The following TASOR2 variants were observed in gnomAD, a reference collection of about 807,000 sequenced individuals.
TASOR2 encodes protein TASOR 2.
Under a neutral mutation model 199.5 loss-of-function variants are expected in TASOR2, and 84 were observed. The observed-to-expected ratio is 0.42, with a 90% CI of 0.35 to 0.50. TASOR2 has a LOEUF of 0.50. Among genes scored for constraint, TASOR2 ranks in the 20% least tolerant of loss-of-function variants. The pLI, the probability that TASOR2 is intolerant of heterozygous loss-of-function variation, is 0.02. For missense variants in TASOR2, 2,796 were observed against 2,835.9 expected, an observed-to-expected ratio of 0.99 and a Z score of 0.32; for synonymous variants, 1,103 against 1,046.6, an observed-to-expected ratio of 1.05 and a Z score of -1.04.
Position 5,748,723 on chromosome 10 carries a change from A to G in TASOR2, c.5302A>G (p.Ser1768Gly), listed in dbSNP as rs1837568614. ...TACAGCAGACACCAAGGAAAACCTC[A>G]GTAAAGAGCCTTTGGCCTCCTTTGT... is the stretch of plus-strand genomic sequence containing the variant. The change falls in exon 15 of 21, where the codon AGT (serine) becomes GGT (glycine). Residue 1768 changes from serine to glycine, a missense_variant. Coordinates refer to ENST00000328090, the Ensembl canonical transcript of TASOR2. This position sits in a 1 kb window ranked among gnomAD's most constrained non-coding sequence, Gnocchi z 5.1. 1.2e-6 allele frequency: 2 copies of G among 1,614,246 alleles called. No homozygotes were observed. Among genetic ancestry groups the G allele is most frequent in the Non-Finnish European group, 1.7e-6 (2 of 1,180,038 alleles).
intron 1 of TASOR2, among the ~76,000 whole-genome samples, chr10:5,693,100 G>A (rs536983405): frequency 6.6e-6 from 1 of 152,320 alleles, no homozygotes; most frequent in East Asian, 1.9e-4. Context: ...GGTGTGGGGA[G>A]AGAAGCTTTG....
At chr10:5,747,109 A>G (rs1184590356) in exon 15 of TASOR2, 1 of 1,614,154 alleles carries the variant, frequency 6.2e-7, no homozygotes, top group Non-Finnish European at 8.5e-7. Context: ...AGGATGCCAC[A>G]CATCAGGTGA....
At chr10:5,716,988 C>A (rs1278972340) in intron 2 of TASOR2, among the ~76,000 whole-genome samples, 1 of 140,142 alleles carries the variant, frequency 7.1e-6, no homozygotes, top group African/African-American at 2.6e-5. Context: ...TCTGGAGAAT[C>A]TGAAAGTAAA....
intron 1 of TASOR2, among the ~76,000 whole-genome samples, chr10:5,694,394 C>T (rs1172823341): frequency 2.0e-5 from 3 of 152,180 alleles, no homozygotes; most frequent in Non-Finnish European, 2.9e-5. Context: ...TACTGTATAA[C>T]AGGCACTGTT....
intron 1 of TASOR2, among the ~76,000 whole-genome samples, chr10:5,697,330 C>T (rs1207039228): frequency 6.6e-6 from 1 of 152,064 alleles, no homozygotes; most frequent in Non-Finnish European, 1.5e-5. Flanking sequence ...GTTAGGTATC[C>T]CCAGTGGGAA....
At position 5,763,135 on chromosome 10, in the gene TASOR2, A is replaced by C. The variant is rs1358903981; in HGVS notation, c.*103A>C. 13 of 1,120,388 alleles carry C rather than the reference A, an allele frequency of 1.2e-5. No homozygotes were observed. The South Asian group carries it at 1.5e-4, about 13-fold the overall frequency. The allele number at this position is 1,120,388 out of a possible 1,614,324, so 69.4% of individuals were successfully genotyped here. A position where few individuals can be genotyped will look rare whatever the true frequency, so the allele number is the denominator to read the frequency against. On this transcript the variant is annotated 3_prime_UTR_variant, in exon 21 of 21. Transcript: ENST00000328090. ...TGAATACACATGTGAACAGTCTTAC[A>C]TTTGAAAAACCAATGTTCTACAACT...
intron 2 of TASOR2, among the ~76,000 whole-genome samples, chr10:5,715,965 C>G (rs144526708): frequency 1.1e-4 from 17 of 152,228 alleles, no homozygotes; most frequent in Non-Finnish European, 2.4e-4. Flanking sequence ...ATGTGAACAT[C>G]ACAGAGCGTA....
Position 5,690,919 on chromosome 10 carries a change from G to A in TASOR2, c.-288+5744G>A, listed in dbSNP as rs371950247. On this transcript the variant is annotated intron_variant, in intron 1 of 20. Transcript: ENST00000328090. This position sits in a 1 kb window ranked among gnomAD's most constrained non-coding sequence, Gnocchi z 4.8. ...AAATTATATGACCTTGAGGCTGGGC[G>A]CGGTGGCTCATGCCTGTAATCCCAG... Among the ~76,000 whole-genome samples, 1 of 152,116 alleles carries A rather than the reference G, an allele frequency of 6.6e-6. No individual in the cohort carries two copies. The highest frequency in any genetic ancestry group is 1.5e-5 in the Non-Finnish European group (1 of 68,028).
In TASOR2 at chr10:5,754,071, G is replaced by A. The variant is rs548795413; in HGVS notation, c.6607-2542G>A. The stretch of plus-strand genomic sequence containing the variant: ...TGTAATCCCAGCACTTTGGGAGGCC[G>A]AGGCAGGTGGATCACCTGAAGTCAG... On this transcript the variant is annotated intron_variant, in intron 15 of 20. Coordinates refer to ENST00000328090, the Ensembl canonical transcript of TASOR2. This position sits in a 1 kb window ranked among gnomAD's most constrained non-coding sequence, Gnocchi z 4.3. Among the ~76,000 whole-genome samples, 44 of 152,212 alleles carry A rather than the reference G, an allele frequency of 2.9e-4. No homozygotes were observed. The highest frequency in any genetic ancestry group is 1.2e-3 in the Admixed American group (19 of 15,290).
rs1835738699 is a variant in TASOR2 at position 5,685,743 on chromosome 10, C to G, written c.-288+568C>G. On this transcript the variant is annotated intron_variant, in intron 1 of 20. Coordinates refer to ENST00000328090, the Ensembl canonical transcript of TASOR2. This position sits in a 1 kb window ranked among gnomAD's most constrained non-coding sequence, Gnocchi z 5.4. Reference sequence around the variant, plus strand: ...CGCCAAGCAGCGTTTCGTGGGAGAACTGGGTTGATGACTGAAATTTTGAGG... The same window carrying G: ...CGCCAAGCAGCGTTTCGTGGGAGAAGTGGGTTGATGACTGAAATTTTGAGG... 6.6e-6 allele frequency among the ~76,000 whole-genome samples: 1 copy of G among 152,202 alleles called. No homozygotes were observed. The highest frequency in any genetic ancestry group is 1.5e-5 in the Non-Finnish European group (1 of 68,040).
intron 10 of TASOR2, among the ~76,000 whole-genome samples, chr10:5,727,640 A>G (rs538669123): frequency 6.6e-6 from 1 of 152,160 alleles, no homozygotes; most frequent in East Asian, 1.9e-4. Context: ...AATATGGGGG[A>G]AAAATGACTC....
At chr10:5,747,031 G>A in exon 15 of TASOR2, 1 of 1,614,082 alleles carries the variant, frequency 6.2e-7, no homozygotes, top group Non-Finnish European at 8.5e-7. Context: ...ACTGACACAG[G>A]TTGAAGTGGA....
intron 3 of TASOR2, among the ~76,000 whole-genome samples, chr10:5,718,327 T>C (rs1159090451): frequency 3.3e-5 from 5 of 151,188 alleles, no homozygotes; most frequent in Admixed American, 1.3e-4. Context: ...TTATTGTTTT[T>C]TTTTTTAGCT....
intron 12 of TASOR2, among the ~76,000 whole-genome samples, chr10:5,736,605 C>T (rs998739575): frequency 6.6e-6 from 1 of 152,100 alleles, no homozygotes; most frequent in African/African-American, 2.4e-5. Context: ...AGTAGTTTTA[C>T]TGATTTAACT....
Position 5,747,758 on chromosome 10 carries a change from T to C in TASOR2, c.4337T>C (p.Leu1446Ser), listed in dbSNP as rs369199949. The C allele has an allele frequency of 6.2e-6, 10 of 1,614,036 alleles. No individual in the cohort carries two copies. The African/African-American group carries it at 1.3e-4, about 22-fold the overall frequency. Residue 1446 changes from leucine (L) to serine (S), a missense_variant, in exon 15 of 21, where the codon TTA becomes TCA. Physicochemically the swap from Leu to Ser is moderately radical, Grantham distance 145 (BLOSUM62 -2). Around this residue, in one of 3 missense-constraint regions of TASOR2, gnomAD observed 1,941 missense variants for 1,924.9 expected, o/e 1.01. Transcript: ENST00000328090. ...ATCTCCCAATGTGAGTCAGAAGACT[T>C]AGGCATAACAGAAAAAGAAAATGTT... is the stretch of plus-strand genomic sequence containing the variant.
intron 1 of TASOR2, among the ~76,000 whole-genome samples, chr10:5,686,504 C>G (rs1835831458): frequency 1.3e-5 from 2 of 152,216 alleles, no homozygotes; most frequent in South Asian, 2.1e-4. Context: ...GTGATTATCT[C>G]TTGCTGTTAT....
exon 1 of TASOR2, chr10:5,684,896 G>C (rs562777693): frequency 2.5e-6 from 1 of 398,180 alleles, no homozygotes; most frequent in Admixed American, 4.4e-5. Context: ...AGGCTGCCGG[G>C]CGTCCCGGGG....
At position 5,742,085 on chromosome 10, in the gene TASOR2, G is replaced by A. The variant is rs748808306; in HGVS notation, c.2328-12G>A. On this transcript the variant is annotated splice_polypyrimidine_tract_variant and intron_variant, in intron 13 of 20. Coordinates refer to ENST00000328090, the Ensembl canonical transcript of TASOR2. This position sits in a 1 kb window ranked among gnomAD's most constrained non-coding sequence, Gnocchi z 4.2. ...TCAATGATTTTCATGTGTTCTTTCT[G>A]TAAACTCTTAGGCCCTGGAATACTG... 12 of 1,604,728 alleles carry A rather than the reference G, an allele frequency of 7.5e-6. No individual in the cohort carries two copies. The highest frequency in any genetic ancestry group is 1.1e-5 in the South Asian group (1 of 88,962).
At chr10:5,755,632 T>C (rs1293423191) in intron 15 of TASOR2, among the ~76,000 whole-genome samples, 1 of 151,228 alleles carries the variant, frequency 6.6e-6, no homozygotes, top group African/African-American at 2.4e-5. Flanking sequence ...ATGAAGGAAA[T>C]AAGTGATGGT....
Sources: allele counts gnomAD v4.1 joint callset (sites outside exome capture counted in the v4.1 genomes callset), GRCh38; gene constraint gnomAD v4.1.1; regional missense constraint gnomAD v4.1.1; non-coding constraint Gnocchi (gnomAD v3.1); transcripts MANE v1.5; gene names NCBI Gene and HGNC (gene_info 2026-07-23, HGNC 2026-07-21).